USP33: variants seen among roughly 807,000 people sequenced by gnomAD.
USP33 encodes ubiquitin specific peptidase 33.
USP33 carries 46 observed loss-of-function variants against 124.2 expected under a neutral mutation model. The ratio of observed to expected loss-of-function variants is 0.37; its 90% CI spans 0.29 to 0.47. The LOEUF (loss-of-function observed/expected upper bound fraction) is 0.47, where lower values mean the gene tolerates loss of function less well. Ranked by LOEUF, USP33 falls within the 20% of genes least tolerant of loss-of-function variation. The probability of loss-of-function intolerance (pLI) is 0.99; values close to 1 mark genes in which losing one functional copy is unlikely to be tolerated. For missense variants in USP33, 851 were observed against 1,070.6 expected (o/e 0.79, Z 2.86); for synonymous variants, 350 against 352.3 (o/e 0.99, Z 0.07).
intron 5 of USP33, among the ~76,000 whole-genome samples, chr1:77,737,089 AGAC>A (rs1239300390): frequency 6.6e-6 from 1 of 152,236 alleles, no homozygotes; most frequent in South Asian, 2.1e-4. Flanking sequence ...AAAAATTCGG[AGAC>A]GACAAATAAA....
intron 22 of USP33, 58 bp downstream of exon 22, chr1:77,701,311 T>C (rs1035725058): frequency 4.0e-6 from 5 of 1,251,082 alleles, no homozygotes; most frequent in African/African-American, 3.0e-5. Context: ...CAAGAAATAC[T>C]TGTCAAACAA....
chr1:77,713,722 T>C (rs1675551194), intron 19 of USP33, among the ~76,000 whole-genome samples: 1 of 152,094 alleles, frequency 6.6e-6, no homozygotes, highest in Admixed American at 6.6e-5. Context: ...GGTCTCACTC[T>C]GTCACCCAGG....
chr1:77,742,038 C>A (rs1679178552), intron 1 of USP33, among the ~76,000 whole-genome samples: 2 of 151,436 alleles, frequency 1.3e-5, no homozygotes, highest in Admixed American at 1.3e-4. Flanking sequence ...CTGCTTTTCC[C>A]CTCTCATTTC....
intron 21 of USP33, among the ~76,000 whole-genome samples, chr1:77,704,354 T>C (rs754805394): frequency 4.5e-4 from 69 of 152,342 alleles, no homozygotes; most frequent in Non-Finnish European, 7.9e-4. Context: ...TAAAATGTCA[T>C]ATCAGACTGA....
rs150723348 is a variant in USP33, at chr1:77,728,383, T to A, written c.1047A>T (p.Glu349Asp). ...NKINKVNSEG[E>D]FDKDRDSISE... Reference sequence around the variant, plus strand: ...ATATAGAGTCTCTATCTTTATCAAATTCGCCTTCAGAATTTACTTTATTAA... The same window carrying A: ...ATATAGAGTCTCTATCTTTATCAAAATCGCCTTCAGAATTTACTTTATTAA... Residue 349 changes from glutamate (E) to aspartate (D), a missense_variant, in exon 10 of 24, where the codon GAA (glutamate) becomes GAT (aspartate). Physicochemically the swap from Glu to Asp is conservative, Grantham distance 45. Coordinates refer to ENST00000370794, the MANE Select transcript of USP33 (RefSeq NM_201624.3). The A allele has an allele frequency of 6.2e-7, 1 of 1,613,986 alleles. No individual in the cohort carries two copies. Among genetic ancestry groups the A allele is most frequent in the African/African-American group, 1.3e-5 (1 of 75,058 alleles).
At chr1:77,746,472 C>T (rs1679753765) in intron 1 of USP33, 1 of 152,188 alleles carries the variant, frequency 6.6e-6, no homozygotes, top group African/African-American at 2.4e-5. Context: ...GGTACCATTC[C>T]TTCTGAAACT....
chr1:77,721,268 G>A, intron 14 of USP33, 63 bp from the exon 15 acceptor site: 1 of 1,584,960 alleles, frequency 6.3e-7, no homozygotes, highest in Non-Finnish European at 8.7e-7. Flanking sequence ...TTATGGTCCT[G>A]TAATTATTTG....
chr1:77,728,817 G>T, intron 9 of USP33, 105 bp from the exon 10 acceptor site: 1 of 1,224,432 alleles, frequency 8.2e-7, no homozygotes, highest in Non-Finnish European at 1.1e-6. Context: ...TGAAGGTACA[G>T]CACTATATTG....
At chr1:77,737,761 A>G (rs193280138) in intron 5 of USP33, among the ~76,000 whole-genome samples, 36 of 152,332 alleles carry the variant, frequency 2.4e-4, no homozygotes, top group Non-Finnish European at 4.1e-4. Flanking sequence ...AAAGTTTGTA[A>G]TCTTGATCTT....
intron 21 of USP33, among the ~76,000 whole-genome samples, chr1:77,701,964 G>A (rs1029922134): frequency 2.6e-5 from 4 of 151,468 alleles, no homozygotes; most frequent in Admixed American, 6.6e-5. Flanking sequence ...CACCACACTC[G>A]GCCTACACAC....
chr1:77,708,183 T>C (rs1674840323), intron 21 of USP33, among the ~76,000 whole-genome samples: 1 of 152,218 alleles, frequency 6.6e-6, no homozygotes, highest in Non-Finnish European at 1.5e-5. Context: ...GAACATCATT[T>C]TCATGTATTC....
At position 77,697,009 on chromosome 1, in the gene USP33, G is replaced by A. The variant is rs535041563; in HGVS notation, c.*308C>T. 2.3e-4 allele frequency: 40 copies of A among 170,898 alleles called. No homozygotes were observed. Among genetic ancestry groups the A allele is most frequent in the Non-Finnish European group, 3.6e-4 (29 of 80,884 alleles). The allele number at this position is 170,898 out of a possible 1,614,324, so 10.6% of individuals were successfully genotyped here. On this transcript the variant is annotated 3_prime_UTR_variant, in exon 24 of 24. Coordinates refer to ENST00000370794, the MANE Select transcript of USP33 (RefSeq NM_201624.3). ...AGGCAGGAGAATCGCTTGAACCCAG[G>A]AGGTGGAGGCTGCAGTGAGCTGAGG...
At chr1:77,748,173 G>A (rs1679925743) in intron 1 of USP33, among the ~76,000 whole-genome samples, 1 of 152,032 alleles carries the variant, frequency 6.6e-6, no homozygotes, top group Admixed American at 6.6e-5. Flanking sequence ...TTCAAGGGGA[G>A]GAGTTTTAGT....
chr1:77,714,511 G>A (rs934026928), intron 19 of USP33, 103 bp downstream of exon 19: 1 of 1,168,084 alleles, frequency 8.6e-7, no homozygotes, highest in African/African-American at 1.6e-5. Flanking sequence ...ATGCAGGTGG[G>A]GAAATGGGAA....
intron 1 of USP33, among the ~76,000 whole-genome samples, chr1:77,758,750 A>G (rs1412158872): frequency 6.6e-6 from 1 of 152,204 alleles, no homozygotes; most frequent in Non-Finnish European, 1.5e-5. Context: ...CGTTTTTCTT[A>G]AAGGAAAAAT....
At position 77,701,989 on chromosome 1, in the gene USP33, T is replaced by A. The variant is rs968724442; in HGVS notation, c.2407-518A>T. Among the ~76,000 whole-genome samples, 5 of 151,548 alleles carry A rather than the reference T, an allele frequency of 3.3e-5. No homozygotes were observed. In the East Asian group the frequency reaches 9.7e-4, roughly 29 times the overall value. On this transcript the variant is annotated intron_variant, in intron 21 of 23. Coordinates refer to ENST00000370794, the MANE Select transcript of USP33 (RefSeq NM_201624.3). ...GGCCTACACACACAAAAAATTTTTTTAATTAGCTGTGTGAGGTGATTTGCA... is the reference window on the plus strand; with the variant it reads ...GGCCTACACACACAAAAAATTTTTTAAATTAGCTGTGTGAGGTGATTTGCA...
At chr1:77,714,125 CTTT>C (rs1437452085) in intron 19 of USP33, among the ~76,000 whole-genome samples, 1 of 151,880 alleles carries the variant, frequency 6.6e-6, no homozygotes, top group Non-Finnish European at 1.5e-5. Context: ...AATTATGAGG[CTTT>C]TTTTTCTTAA....
chr1:77,750,710 A>G (rs1680255464), intron 1 of USP33, among the ~76,000 whole-genome samples: 2 of 152,342 alleles, frequency 1.3e-5, no homozygotes, highest in Admixed American at 1.3e-4. Context: ...TAGTGCATGT[A>G]AACAAAGGCT....
chr1:77,728,290 G>C lies in USP33; in HGVS notation c.1135+5C>G, dbSNP rs2101452373. 1 of 1,559,218 alleles carries C rather than the reference G, an allele frequency of 6.4e-7. No individual in the cohort carries two copies. The highest frequency in any genetic ancestry group is 8.6e-7 in the Non-Finnish European group (1 of 1,157,506). ...ATTTTCATGAACAAACTACTAAATT[G>C]TCACCTGAAGCTCTGCTGTGTATTT... On this transcript the variant is annotated splice_donor_5th_base_variant and intron_variant, in intron 10 of 23. Transcript: ENST00000370794.
Sources: allele counts gnomAD v4.1 joint callset (sites outside exome capture counted in the v4.1 genomes callset), GRCh38; gene constraint gnomAD v4.1.1; transcripts MANE v1.5; gene names NCBI Gene and HGNC (gene_info 2026-07-23, HGNC 2026-07-21).